The following DTNA variants were observed in gnomAD, a reference collection of about 807,000 sequenced individuals.
The protein encoded by DTNA is dystrobrevin alpha.
In DTNA, 43 loss-of-function variants were observed where a neutral mutation model predicts 100.7. That is an observed-to-expected ratio of 0.43 (90% CI 0.33 to 0.55). DTNA has a LOEUF of 0.55. Ranked by LOEUF, DTNA falls within the 20% of genes least tolerant of loss-of-function variation. DTNA has a pLI of 0.04. For missense variants in DTNA, 798 were observed against 953.9 expected (o/e 0.84, Z 2.15); for synonymous variants, 349 against 347.9 (o/e 1.00, Z -0.04).
chr18:34,747,886 A>G (rs1428549559), intron 1 of DTNA, among the ~76,000 whole-genome samples: 1 of 152,148 alleles, frequency 6.6e-6, no homozygotes. Context: ...AGGGATCTCC[A>G]TAGTGTTTTC....
chr18:34,790,563 ATATATTTTTTTTTT>A (rs1319437137), intron 3 of DTNA, among the ~76,000 whole-genome samples: 1 of 104,736 alleles, frequency 9.5e-6, no homozygotes, highest in Non-Finnish European at 1.8e-5. Context: ...ATATATATAT[ATATATTTTTTTTTT>A]TTTTTTTTTT....
At chr18:34,749,565 T>A (rs140880477) in intron 1 of DTNA, among the ~76,000 whole-genome samples, 1 of 151,604 alleles carries the variant, frequency 6.6e-6, no homozygotes, top group Non-Finnish European at 1.5e-5. Context: ...GGACACTTGA[T>A]AAGGGAAACC....
At chr18:34,790,567 A>ATATATATATATATATTTTTTTTTTTTT (rs2094687460) in intron 3 of DTNA, among the ~76,000 whole-genome samples, 1 of 39,660 alleles carries the variant, frequency 2.5e-5, no homozygotes, top group African/African-American at 9.1e-5. Context: ...ATATATATAT[A>ATATATATATATATATTTTTTTTTTTTT]TTTTTTTTTT....
intron 1 of DTNA, among the ~76,000 whole-genome samples, chr18:34,685,044 G>C (rs2078685477): frequency 6.6e-6 from 1 of 152,066 alleles, no homozygotes. Context: ...CTGGATATTA[G>C]CCCTTTGTCA....
chr18:34,617,669 A>G (rs764845454), intron 1 of DTNA, among the ~76,000 whole-genome samples: 13 of 152,218 alleles, frequency 8.5e-5, no homozygotes, highest in Non-Finnish European at 1.9e-4. Context: ...CCCCCTCCTC[A>G]ATGTTCTGGA....
chr18:34,761,991 G>A (rs112739561), intron 2 of DTNA, among the ~76,000 whole-genome samples: 1,933 of 152,106 alleles, frequency 0.013, 48 homozygotes, highest in African/African-American at 0.044. Flanking sequence ...AAAAGAAAAA[G>A]TATAGATTCT....
intron 17 of DTNA, chr18:34,866,846 G>A: frequency 9.7e-7 from 1 of 1,025,696 alleles, no homozygotes; most frequent in South Asian, 4.6e-5. Flanking sequence ...GAGCCTTTCG[G>A]CTCCGGGAGA....
intron 1 of DTNA, among the ~76,000 whole-genome samples, chr18:34,589,228 T>G (rs1029311596): frequency 1.3e-5 from 2 of 152,090 alleles, no homozygotes; most frequent in Non-Finnish European, 2.9e-5. Context: ...ACATGATGTT[T>G]TGATATACTT....
intron 1 of DTNA, among the ~76,000 whole-genome samples, chr18:34,691,589 T>C (rs2079769817): frequency 6.6e-6 from 1 of 152,208 alleles, no homozygotes; most frequent in African/African-American, 2.4e-5. Flanking sequence ...AGAAAATCTG[T>C]GTTCTGTATT....
chr18:34,867,408 G>A, intron 17 of DTNA: 2 of 1,227,562 alleles, frequency 1.6e-6, no homozygotes, highest in Non-Finnish European at 2.0e-6. Flanking sequence ...AGTCCCCCTG[G>A]GTGAAGGACA....
intron 1 of DTNA, among the ~76,000 whole-genome samples, chr18:34,715,224 A>T (rs1228773104): frequency 6.6e-6 from 1 of 152,194 alleles, no homozygotes; most frequent in Non-Finnish European, 1.5e-5. Flanking sequence ...AAATAGAAAA[A>T]AAAATGATTA....
At chr18:34,830,578 T>C (rs1465857761) in intron 11 of DTNA, among the ~76,000 whole-genome samples, 1 of 152,172 alleles carries the variant, frequency 6.6e-6, no homozygotes, top group Non-Finnish European at 1.5e-5. Context: ...ACATCTTTTC[T>C]AGCTCTGTAC....
At chr18:34,753,366 ATTTTTTTTTTTTTTTTATTT>A (rs1482939161) in intron 1 of DTNA, among the ~76,000 whole-genome samples, 1 of 133,150 alleles carries the variant, frequency 7.5e-6, no homozygotes, top group African/African-American at 3.2e-5. Flanking sequence ...TATTTATTTT[ATTTTTTTTTTTTTTTTATTT>A]TTTATTTTTT....
At position 34,773,381 on chromosome 18, in the gene DTNA, G is replaced by A. The variant is rs538743650; in HGVS notation, c.148+7340G>A. On this transcript the variant is annotated intron_variant, in intron 3 of 22. Transcript: ENST00000444659. ...AATAAAGTTTAAAGTCGGAAACACA[G>A]GCAAGAGAAATCGAACCAGAGAAAG... is the stretch of plus-strand genomic sequence containing the variant. 3.9e-5 allele frequency among the ~76,000 whole-genome samples: 6 copies of A among 152,268 alleles called. No homozygotes were observed. In the East Asian group the frequency reaches 1.2e-3, roughly 29 times the overall value.
intron 1 of DTNA, among the ~76,000 whole-genome samples, chr18:34,680,443 T>A (rs1261730454): frequency 6.6e-6 from 1 of 152,188 alleles, no homozygotes; most frequent in Non-Finnish European, 1.5e-5. Context: ...AAGTGTGGCT[T>A]TATTATGTAC....
At chr18:34,563,324 G>A (rs1161358382) in intron 1 of DTNA, among the ~76,000 whole-genome samples, 4 of 152,204 alleles carry the variant, frequency 2.6e-5, no homozygotes. Flanking sequence ...CATCCACCTT[G>A]GCTAGGAGAG....
At chr18:34,765,571 A>G (rs2051535675) in intron 2 of DTNA, among the ~76,000 whole-genome samples, 1 of 152,236 alleles carries the variant, frequency 6.6e-6, no homozygotes, top group Admixed American at 6.5e-5. Flanking sequence ...CCTAACAGCC[A>G]CATTCTAATG....
intron 1 of DTNA, among the ~76,000 whole-genome samples, chr18:34,745,071 G>A (rs140650866): frequency 5.3e-5 from 8 of 152,110 alleles, no homozygotes; most frequent in African/African-American, 1.4e-4. Context: ...CATAGTACTC[G>A]GAACATAGTA....
At chr18:34,499,863 T>C (rs1346216594) in intron 1 of DTNA, among the ~76,000 whole-genome samples, 1 of 152,206 alleles carries the variant, frequency 6.6e-6, no homozygotes, top group Non-Finnish European at 1.5e-5. Context: ...TTCTCAATAA[T>C]TGTTCTTTCT....
Sources: allele counts gnomAD v4.1 joint callset (sites outside exome capture counted in the v4.1 genomes callset), GRCh38; gene constraint gnomAD v4.1.1; transcripts MANE v1.5; gene names NCBI Gene and HGNC (gene_info 2026-07-23, HGNC 2026-07-21).